ZNF892: variants seen among roughly 807,000 people sequenced by gnomAD.
ZNF892 encodes the protein zinc finger protein 570-like.
the ZNF892 span, among the ~76,000 whole-genome samples, chr2:95,235,211 C>G: frequency 6.6e-6 from 1 of 152,200 alleles, no homozygotes; most frequent in African/African-American, 2.4e-5. Context: ...GACGCCTAGT[C>G]TCTGAGTTCA....
At chr2:95,257,686 C>T in the ZNF892 span, among the ~76,000 whole-genome samples, 1 of 152,220 alleles carries the variant, frequency 6.6e-6, no homozygotes, top group Non-Finnish European at 1.5e-5. Context: ...CAGAGGCAGG[C>T]AGGCCTCCTT....
chr2:95,229,572 T>G, the ZNF892 span, among the ~76,000 whole-genome samples: 1 of 152,218 alleles, frequency 6.6e-6, no homozygotes, highest in Non-Finnish European at 1.5e-5. Context: ...ATATACTCCT[T>G]TGTATCTGGC....
chr2:95,258,250 C>T, the ZNF892 span, among the ~76,000 whole-genome samples: 86 of 152,340 alleles, frequency 5.6e-4, no homozygotes, highest in African/African-American at 1.9e-3. Context: ...GTGCTGCTCA[C>T]TCTTGTCACT....
the ZNF892 span, among the ~76,000 whole-genome samples, chr2:95,244,452 G>C: frequency 2.0e-5 from 3 of 151,640 alleles, no homozygotes; most frequent in African/African-American, 7.3e-5. Context: ...AAAAAGACAA[G>C]GGCATTACGT....
chr2:95,249,234 T>A, the ZNF892 span, among the ~76,000 whole-genome samples: 2,096 of 61,504 alleles, frequency 0.034, 4 homozygotes, highest in African/African-American at 0.042. Context: ...TATATATATT[T>A]TTTTTTTTTT....
the ZNF892 span, among the ~76,000 whole-genome samples, chr2:95,217,861 G>C: frequency 2.0e-5 from 3 of 152,174 alleles, no homozygotes; most frequent in Non-Finnish European, 4.4e-5. Flanking sequence ...GAGGCTTTCT[G>C]TTCTGTTGAG....
chr2:95,225,725 C>G, the ZNF892 span, among the ~76,000 whole-genome samples: 627 of 152,316 alleles, frequency 4.1e-3, 1 homozygote, highest in African/African-American at 0.014. Context: ...TAATCAACTT[C>G]AGATTCCAAA....
At chr2:95,262,626 A>G in the ZNF892 span, among the ~76,000 whole-genome samples, 2 of 152,224 alleles carry the variant, frequency 1.3e-5, no homozygotes, top group African/African-American at 4.8e-5. Context: ...AAGTAACCAC[A>G]AGGTTAGAGA....
the ZNF892 span, chr2:95,212,125 T>C: frequency 2.5e-6 from 1 of 398,062 alleles, no homozygotes; most frequent in Non-Finnish European, 4.4e-6. Context: ...TCTCTTACCA[T>C]GTTCCTAAAG....
chr2:95,207,862 G>A, the ZNF892 span: 1 of 398,710 alleles, frequency 2.5e-6, no homozygotes, highest in Non-Finnish European at 4.4e-6. Context: ...ATGCGGCCTT[G>A]GTGCCCGCTG....
chr2:95,225,485 A>G, the ZNF892 span, among the ~76,000 whole-genome samples: 2 of 152,200 alleles, frequency 1.3e-5, no homozygotes, highest in African/African-American at 4.8e-5. Flanking sequence ...CGCTTTTGTA[A>G]TGGCACCAGT....
chr2:95,263,572 G>A, the ZNF892 span, among the ~76,000 whole-genome samples: 2 of 152,036 alleles, frequency 1.3e-5, no homozygotes, highest in Non-Finnish European at 2.9e-5. Flanking sequence ...GAACTATACT[G>A]CAAAATCAGC....
At chr2:95,234,662 G>A in the ZNF892 span, among the ~76,000 whole-genome samples, 2 of 152,198 alleles carry the variant, frequency 1.3e-5, no homozygotes, top group Non-Finnish European at 2.9e-5. Context: ...CTCACAGGAA[G>A]GTGAACAAAA....
the ZNF892 span, among the ~76,000 whole-genome samples, chr2:95,225,890 A>C: frequency 1.3e-5 from 2 of 152,232 alleles, no homozygotes; most frequent in Non-Finnish European, 2.9e-5. Context: ...TGCAATGCAA[A>C]AAGGAGACAC....
chr2:95,223,490 C>T, the ZNF892 span, among the ~76,000 whole-genome samples: 11 of 152,106 alleles, frequency 7.2e-5, no homozygotes, highest in African/African-American at 2.7e-4. Context: ...CCTCAACCTC[C>T]TGGGCTCAAG....
At chr2:95,251,243 C>G in the ZNF892 span, among the ~76,000 whole-genome samples, 1 of 152,082 alleles carries the variant, frequency 6.6e-6, no homozygotes, top group African/African-American at 2.4e-5. Flanking sequence ...GGTATAAATA[C>G]AGGAATACAA....
At chr2:95,214,276 A>G in the ZNF892 span, 3 of 397,832 alleles carry the variant, frequency 7.5e-6, no homozygotes, top group African/African-American at 4.1e-5. Flanking sequence ...TTCCTACCAC[A>G]GCAGTTATTT....
At chr2:95,258,060 G>A in the ZNF892 span, among the ~76,000 whole-genome samples, 2 of 152,160 alleles carry the variant, frequency 1.3e-5, no homozygotes, top group Non-Finnish European at 2.9e-5. Context: ...CGCTCGGTGT[G>A]CTGCACCCAC....
chr2:95,213,685 C>A, the ZNF892 span, among the ~76,000 whole-genome samples: 1 of 152,148 alleles, frequency 6.6e-6, no homozygotes. Flanking sequence ...TAGTTGCTTT[C>A]CAATTAATAA....
Sources: allele counts gnomAD v4.1 joint callset (sites outside exome capture counted in the v4.1 genomes callset), GRCh38; gene constraint gnomAD v4.1.1; transcripts MANE v1.5; gene names NCBI Gene and HGNC (gene_info 2026-07-23, HGNC 2026-07-21).